Variants in TRIP4 observed in about 807,000 individuals in gnomAD.
TRIP4 encodes the protein activating signal cointegrator 1.
A neutral mutation model predicts 81.8 loss-of-function variants in TRIP4; 54 were observed. That is an observed-to-expected ratio of 0.66 (90% CI 0.53 to 0.83). The LOEUF (loss-of-function observed/expected upper bound fraction) is 0.83. TRIP4 is among the 40% of genes least tolerant of loss of function. TRIP4 has a pLI of 0.00. For missense variants in TRIP4, 662 were observed against 683.6 expected (o/e 0.97, Z 0.35); for synonymous variants, 270 against 242.8 (o/e 1.11, Z -1.04).
chr15:64,435,482 C>T (rs376165075), intron 11 of TRIP4, among the ~76,000 whole-genome samples: 16 of 147,802 alleles, frequency 1.1e-4, no homozygotes, highest in African/African-American at 3.5e-4. Context: ...GCCGAGATCG[C>T]GCCACTGCAT....
intron 5 of TRIP4, among the ~76,000 whole-genome samples, chr15:64,404,216 T>C (rs1891574495): frequency 6.6e-6 from 1 of 152,170 alleles, no homozygotes; most frequent in Admixed American, 6.6e-5. Flanking sequence ...TATTAATCTA[T>C]AGCAATATTA....
At chr15:64,395,620 C>T (rs1168735705) in intron 3 of TRIP4, 89 bp downstream of exon 3, 5 of 1,389,914 alleles carry the variant, frequency 3.6e-6, no homozygotes, top group Non-Finnish European at 4.8e-6. Context: ...ACAAATTGGT[C>T]TAGAATGGCA....
chr15:64,400,053 TA>T (rs970019890), intron 4 of TRIP4, among the ~76,000 whole-genome samples: 1 of 150,894 alleles, frequency 6.6e-6, no homozygotes, highest in African/African-American at 2.4e-5. Flanking sequence ...GAATACTAGA[TA>T]AAACATATGT....
chr15:64,418,510 G>A (rs1891935796), intron 8 of TRIP4, 31 bp from the exon 9 acceptor site: 1 of 1,582,430 alleles, frequency 6.3e-7, no homozygotes, highest in Non-Finnish European at 8.6e-7. Flanking sequence ...TGCCTTATAA[G>A]ATAGAACTGT....
At chr15:64,453,720 G>A (rs950347753) in intron 12 of TRIP4, among the ~76,000 whole-genome samples, 3 of 152,158 alleles carry the variant, frequency 2.0e-5, no homozygotes, top group African/African-American at 7.2e-5. Flanking sequence ...AGCAGGTGTA[G>A]CCTAAAAGAA....
chr15:64,405,497 C>G (rs1025333261), intron 5 of TRIP4, among the ~76,000 whole-genome samples: 2 of 152,156 alleles, frequency 1.3e-5, no homozygotes, highest in South Asian at 2.1e-4. Context: ...AATTTATAGT[C>G]ATCTCTGAAC....
At chr15:64,450,436 A>G (rs1000259662) in intron 12 of TRIP4, among the ~76,000 whole-genome samples, 5 of 150,902 alleles carry the variant, frequency 3.3e-5, no homozygotes, top group African/African-American at 1.2e-4. Flanking sequence ...AAAAAAAGAA[A>G]AAAGAAGCCC....
At chr15:64,454,082 A>G (rs1318253612) in intron 12 of TRIP4, among the ~76,000 whole-genome samples, 1 of 150,476 alleles carries the variant, frequency 6.6e-6, no homozygotes, top group East Asian at 1.9e-4. Flanking sequence ...GGCCTGTGGT[A>G]TACTCAGCTG....
intron 9 of TRIP4, among the ~76,000 whole-genome samples, chr15:64,419,390 T>C (rs10851735): frequency 0.84 from 126,801 of 151,824 alleles, 55,192 homozygotes; most frequent in East Asian, 0.96. Flanking sequence ...GACCGAGTCT[T>C]GCTCTGTCAC....
chr15:64,419,405 C>G (rs566341345), intron 9 of TRIP4, among the ~76,000 whole-genome samples: 23 of 152,084 alleles, frequency 1.5e-4, no homozygotes, highest in African/African-American at 5.1e-4. Flanking sequence ...TGTCACCAGG[C>G]TGGAGTGCAG....
intron 11 of TRIP4, among the ~76,000 whole-genome samples, chr15:64,426,820 C>G (rs761333927): frequency 4.8e-4 from 73 of 151,308 alleles, no homozygotes; most frequent in Non-Finnish European, 9.1e-4. Context: ...CTAACACGGT[C>G]AAACCCCATC....
chr15:64,406,875 A>G (rs2140290043), intron 6 of TRIP4, among the ~76,000 whole-genome samples: 1 of 152,342 alleles, frequency 6.6e-6, no homozygotes, highest in Non-Finnish European at 1.5e-5. Context: ...ATAGGAGGGC[A>G]TGATTTACCC....
chr15:64,441,060 G>C (rs1028041523), intron 11 of TRIP4, among the ~76,000 whole-genome samples: 25 of 151,602 alleles, frequency 1.6e-4, no homozygotes, highest in African/African-American at 6.1e-4. Context: ...GCAGTGGTGC[G>C]ATCTCGGCTC....
intron 11 of TRIP4, among the ~76,000 whole-genome samples, chr15:64,435,659 T>C (rs537734243): frequency 6.6e-6 from 1 of 150,686 alleles, no homozygotes; most frequent in East Asian, 1.9e-4. Context: ...ACAACATTAT[T>C]CCATCCCCTC....
chr15:64,414,387 T>A (rs1891841805), intron 8 of TRIP4, among the ~76,000 whole-genome samples, 176 bp downstream of exon 8: 1 of 152,208 alleles, frequency 6.6e-6, no homozygotes, highest in Admixed American at 6.5e-5. Flanking sequence ...TTTTTCCATT[T>A]TTATTGCAGT....
At chr15:64,450,184 TG>T (rs2140316908) in intron 12 of TRIP4, among the ~76,000 whole-genome samples, 1 of 151,986 alleles carries the variant, frequency 6.6e-6, no homozygotes, top group South Asian at 2.1e-4. Flanking sequence ...GGTCAGGAGA[TG>T]GAGACCATCC....
At chr15:64,433,128 G>C (rs1272486037) in intron 11 of TRIP4, among the ~76,000 whole-genome samples, 1 of 152,044 alleles carries the variant, frequency 6.6e-6, no homozygotes, top group African/African-American at 2.4e-5. Context: ...GACTGTCTCT[G>C]AGAAAAATAA....
intron 1 of TRIP4, 33 bp downstream of exon 1, chr15:64,387,997 G>T: frequency 2.6e-6 from 4 of 1,532,046 alleles, no homozygotes; most frequent in Non-Finnish European, 3.5e-6. Flanking sequence ...CGGGGAAGGA[G>T]CTCTGGGATG....
At chr15:64,417,195 A>G (rs1291732521) in intron 8 of TRIP4, among the ~76,000 whole-genome samples, 2 of 152,112 alleles carry the variant, frequency 1.3e-5, no homozygotes, top group Non-Finnish European at 2.9e-5. Context: ...ATTTTTTTGT[A>G]GAGAAGGAGT....
Sources: allele counts gnomAD v4.1 joint callset (sites outside exome capture counted in the v4.1 genomes callset), GRCh38; gene constraint gnomAD v4.1.1; transcripts MANE v1.5; gene names NCBI Gene and HGNC (gene_info 2026-07-23, HGNC 2026-07-21).